LZTS3: variants seen among roughly 807,000 people sequenced by gnomAD.
LZTS3 encodes leucine zipper tumor suppressor family member 3, also known as leucine zipper putative tumor suppressor 3.
Under a neutral mutation model 50.9 loss-of-function variants are expected in LZTS3, and 16 were observed. The ratio of observed to expected loss-of-function variants is 0.31; its 90% CI spans 0.21 to 0.48. LZTS3 has a LOEUF of 0.48. Among genes scored for constraint, LZTS3 ranks in the 20% least tolerant of loss-of-function variants. LZTS3 has a pLI of 0.99. For synonymous variants in LZTS3, 408 were observed against 410.6 expected (o/e 0.99, Z 0.08); for missense variants, 816 against 931.0 (o/e 0.88, Z 1.61).
At position 3,164,835 on chromosome 20, in the gene LZTS3, G is replaced by A. The variant is rs1303298158; in HGVS notation, c.1641C>T (p.Ala547=). 8 of 1,550,164 alleles carry A rather than the reference G, an allele frequency of 5.2e-6. 1 individual carries two copies. The African/African-American group carries it at 5.4e-5, about 10-fold the overall frequency. Residue 547 remains alanine, a synonymous_variant, in exon 5 of 5, where the codon GCC becomes GCT. Coordinates refer to ENST00000337576, the MANE Select transcript of LZTS3 (RefSeq NM_001365618.1). ...CCAAGGAGGCGGCAGCGGCCACCCC[G>A]GCCTGACGGCGCATCTTAGCCTCGT... ...ESDEAKMRRQ[A]GVAAAASLVS...
rs1600449523 is a variant in LZTS3, at chr20:3,167,602, T to G, written c.-19+136A>C. 3 of 993,280 alleles carry G rather than the reference T, an allele frequency of 3.0e-6. No homozygotes were observed. In the South Asian group the frequency reaches 1.4e-4, roughly 47 times the overall value. 61.5% of individuals were successfully genotyped at this position (993,280 alleles called of 1,614,324 possible). A position where few individuals can be genotyped will look rare whatever the true frequency, so the allele number is the denominator to read the frequency against. ...CTGGGACCCTAATATCCCAACCTCA[T>G]GGGCTGGGGAAATGGGGTTGGAAGG... On this transcript the variant is annotated intron_variant, in intron 2 of 4. Transcript: ENST00000337576.
At chr20:3,169,979 G>A (rs966565406) in intron 1 of LZTS3, among the ~76,000 whole-genome samples, 1 of 150,654 alleles carries the variant, frequency 6.6e-6, no homozygotes, top group African/African-American at 2.4e-5. Flanking sequence ...GAGCCAGGGA[G>A]CAAAGCCCCA....
In LZTS3 at chr20:3,165,722, C is replaced by T. The variant is rs565769779; in HGVS notation, c.1098G>A (p.Glu366=). The change falls in exon 4 of 5, where the codon GAG becomes GAA. Residue 366 remains glutamate, a synonymous_variant. Coordinates refer to ENST00000337576, the MANE Select transcript of LZTS3 (RefSeq NM_001365618.1). The surrounding 1 kb of genome is among the most constrained non-coding windows in gnomAD (Gnocchi z 5.0). The part of the protein sequence containing the change: ...RQKAWERELA[E]LRQGCSGKLQ... ...GCTTCCCGCTGCAGCCCTGCCGCAG[C>T]TCGGCCAGCTCCCGCTCCCACGCCT... is the stretch of plus-strand genomic sequence containing the variant. The T allele has an allele frequency of 2.8e-4, 444 of 1,574,322 alleles. 7 individuals are homozygous for T. In the South Asian group the frequency reaches 4.3e-3, roughly 15 times the overall value.
In LZTS3 at chr20:3,164,921, G is replaced by A; in HGVS notation, c.1555C>T (p.Pro519Ser). The change falls in exon 5 of 5, where the codon CCG becomes TCG. Residue 519 changes from proline (P) to serine (S), a missense_variant. This residue lies in a region of LZTS3 where 700 missense variants were observed against 769.4 expected (regional missense o/e 0.91). Coordinates refer to ENST00000337576, the MANE Select transcript of LZTS3 (RefSeq NM_001365618.1). ...EGELPAACLK[P>S]ALTPVDPAEP... ...GCCGGGTCCACGGGGGTCAGCGCCG[G>A]CTTGAGGCAGGCGGCAGGCAGCTCG... 6.5e-7 allele frequency: 1 copy of A among 1,548,462 alleles called. No homozygotes were observed.
intron 2 of LZTS3, 187 bp from the exon 3 acceptor site, chr20:3,167,368 CT>C (rs1197892730): frequency 2.4e-5 from 32 of 1,345,656 alleles, no homozygotes; most frequent in Non-Finnish European, 2.9e-5. Context: ...GGAATGGGGG[CT>C]GCCTGTTGCC....
At position 3,162,799 on chromosome 20, in the gene LZTS3, T is replaced by G. The variant is rs754148799; in HGVS notation, c.*1655A>C. On this transcript the variant is annotated 3_prime_UTR_variant, in exon 5 of 5. Coordinates refer to ENST00000337576, the MANE Select transcript of LZTS3 (RefSeq NM_001365618.1). The surrounding 1 kb of genome is among the most constrained non-coding windows in gnomAD (Gnocchi z 5.0). The stretch of plus-strand genomic sequence containing the variant: ...TTTTTTTCTTACTAATGCCTTCTCT[T>G]CTCCCTGCCCCTGTGGCCTAGGCCC... 2.0e-5 allele frequency: 3 copies of G among 152,500 alleles called. No individual in the cohort carries two copies. Among genetic ancestry groups the G allele is most frequent in the Non-Finnish European group, 4.4e-5 (3 of 68,042 alleles). 9.4% of individuals were successfully genotyped at this position (152,500 alleles called of 1,614,324 possible). A position where few individuals can be genotyped will look rare whatever the true frequency, so the allele number is the denominator to read the frequency against.
In LZTS3 at chr20:3,164,393, G is replaced by T; in HGVS notation, c.*61C>A. ...TGGGGAAGAGAGATGGAGGGGAGGG[G>T]ACACTGGGGACTCTGGCCTTTTGAC... On this transcript the variant is annotated 3_prime_UTR_variant, in exon 5 of 5. Transcript: ENST00000337576. 2 of 1,463,154 alleles carry T rather than the reference G, an allele frequency of 1.4e-6. No individual in the cohort carries two copies. The highest frequency in any genetic ancestry group is 1.8e-6 in the Non-Finnish European group (2 of 1,097,998). The allele number at this position is 1,463,154 out of a possible 1,614,324, so 90.6% of individuals were successfully genotyped here.
Position 3,167,112 on chromosome 20 carries a change from G to T in LZTS3, c.52C>A (p.Leu18Ile). The T allele has an allele frequency of 6.6e-7, 1 of 1,525,064 alleles. No individual in the cohort carries two copies. Among genetic ancestry groups the T allele is most frequent in the South Asian group, 1.3e-5 (1 of 79,000 alleles). 94.5% of individuals were successfully genotyped at this position (1,525,064 alleles called of 1,614,324 possible). A position where few individuals can be genotyped will look rare whatever the true frequency, so the allele number is the denominator to read the frequency against. ...PVRADPGRDP[L>I]LAFAPRPSEL... Reference sequence around the variant, plus strand: ...GAGGGCCGTGGGGCAAAGGCCAGGAGAGGATCCCGCCCTGGGTCAGCGCGC... The same window carrying T: ...GAGGGCCGTGGGGCAAAGGCCAGGATAGGATCCCGCCCTGGGTCAGCGCGC... Residue 18 changes from leucine to isoleucine, a missense_variant, in exon 3 of 5, where the codon CTC becomes ATC. This residue lies in a region of LZTS3 where 700 missense variants were observed against 769.4 expected (regional missense o/e 0.91). Coordinates refer to ENST00000337576, the MANE Select transcript of LZTS3 (RefSeq NM_001365618.1).
Position 3,167,109 on chromosome 20 carries a change from G to C in LZTS3, c.55C>G (p.Leu19Val). The stretch of plus-strand genomic sequence containing the variant: ...TCGGAGGGCCGTGGGGCAAAGGCCA[G>C]GAGAGGATCCCGCCCTGGGTCAGCG... ...VRADPGRDPL[L>V]AFAPRPSELG... The change falls in exon 3 of 5, where the codon CTG (leucine) becomes GTG (valine). Residue 19 changes from leucine to valine, a missense_variant. Leu to Val is a conservative substitution (Grantham distance 32). Around this residue, in one of 3 missense-constraint regions of LZTS3, gnomAD observed 700 missense variants for 769.4 expected, o/e 0.91. Coordinates refer to ENST00000337576, the MANE Select transcript of LZTS3 (RefSeq NM_001365618.1). The C allele has an allele frequency of 6.6e-7, 1 of 1,526,130 alleles. No homozygotes were observed. Among genetic ancestry groups the C allele is most frequent in the East Asian group, 2.3e-5 (1 of 43,538 alleles). 94.5% of individuals were successfully genotyped at this position (1,526,130 alleles called of 1,614,324 possible).
At chr20:3,173,003 C>A (rs2066917486) in intron 1 of LZTS3, among the ~76,000 whole-genome samples, 1 of 152,056 alleles carries the variant, frequency 6.6e-6, no homozygotes, top group African/African-American at 2.4e-5. Flanking sequence ...GAGAGCGCCC[C>A]CTCCACCCCG....
chr20:3,165,850 G>T lies in LZTS3; in HGVS notation c.970C>A (p.Leu324Met). 1 of 1,605,432 alleles carries T rather than the reference G, an allele frequency of 6.2e-7. No individual in the cohort carries two copies. Among genetic ancestry groups the T allele is most frequent in the South Asian group, 1.1e-5 (1 of 91,002 alleles). ...PPSPSALIQE[L>M]EERLWEKEQE... ...TCCTTCTCCCACAGCCGCTCCTCCA[G>T]CTCCTGGATGAGTGCACTGGGGGAG... The change falls in exon 4 of 5, where the codon CTG becomes ATG. Residue 324 changes from leucine (L) to methionine (M), a missense_variant. Leu to Met is a conservative substitution (Grantham distance 15, BLOSUM62 2). Coordinates refer to ENST00000337576, the MANE Select transcript of LZTS3 (RefSeq NM_001365618.1). This position sits in a 1 kb window ranked among gnomAD's most constrained non-coding sequence, Gnocchi z 5.0.
At position 3,164,687 on chromosome 20, in the gene LZTS3, T is replaced by C. The variant is rs1369268690; in HGVS notation, c.1789A>G (p.Ser597Gly). 6 of 1,598,080 alleles carry C rather than the reference T, an allele frequency of 3.8e-6. No homozygotes were observed. In the South Asian group the frequency reaches 6.7e-5, roughly 18 times the overall value. The stretch of plus-strand genomic sequence containing the variant: ...CACACGCGGCGCTCCTCGGCGAAGC[T>C]GGCACCCTGGCGCTCCCGGGCCCGC... ...ERRARERQGA[S>G]FAEERRVWLE... Residue 597 changes from serine to glycine, a missense_variant, in exon 5 of 5, where the codon AGC (serine) becomes GGC (glycine). Transcript: ENST00000337576.
rs777367896 is a variant in LZTS3, at chr20:3,166,252, G to A, written c.568C>T (p.Arg190Trp). The A allele has an allele frequency of 1.9e-5, 30 of 1,613,620 alleles. No individual in the cohort carries two copies. Among genetic ancestry groups the A allele is most frequent in the Middle Eastern group, 1.6e-4 (1 of 6,084 alleles). Residue 190 changes from arginine (R) to tryptophan (W), a missense_variant, in exon 4 of 5, where the codon CGG becomes TGG. Arg to Trp is a moderately radical substitution (Grantham distance 101). Transcript: ENST00000337576. ...CCTTTGAGGCCACCAGGGCCCTGCC[G>A]TCCCTCAGGAGTCCCATTGGTCTGC... ...PPQTNGTPEG[R>W]QGPGGLKGGL...
At position 3,164,668 on chromosome 20, in the gene LZTS3, C is replaced by A. The variant is rs755335789; in HGVS notation, c.1808G>T (p.Arg603Leu). 1 of 1,610,692 alleles carries A rather than the reference C, an allele frequency of 6.2e-7. No individual in the cohort carries two copies. Among genetic ancestry groups the A allele is most frequent in the Non-Finnish European group, 8.5e-7 (1 of 1,178,692 alleles). The change falls in exon 5 of 5, where the codon CGC becomes CTC. Residue 603 changes from arginine (R) to leucine (L), a missense_variant. By Grantham distance (102) the Arg-to-Leu change is moderately radical. Around this residue, in one of 3 missense-constraint regions of LZTS3, gnomAD observed 107 missense variants for 130.4 expected, o/e 0.82. Transcript: ENST00000337576. ...CTTCTCCTTCTCCTCCAGCCACACGCGGCGCTCCTCGGCGAAGCTGGCACC... is the reference window on the plus strand; with the variant it reads ...CTTCTCCTTCTCCTCCAGCCACACGAGGCGCTCCTCGGCGAAGCTGGCACC... The part of the protein sequence containing the change: ...RQGASFAEER[R>L]VWLEEKEKVI...
chr20:3,167,941 C>T lies in LZTS3; in HGVS notation c.-222G>A. On this transcript the variant is annotated 5_prime_UTR_variant, in exon 2 of 5. Coordinates refer to ENST00000337576, the MANE Select transcript of LZTS3 (RefSeq NM_001365618.1). ...ACTTTGGAGGGGCCGACTGAGCCATCCCGGACTGCAGTTTTCTCCTCTGCG... is the reference window on the plus strand; with the variant it reads ...ACTTTGGAGGGGCCGACTGAGCCATTCCGGACTGCAGTTTTCTCCTCTGCG... 1 of 826,818 alleles carries T rather than the reference C, an allele frequency of 1.2e-6. No individual in the cohort carries two copies. Among genetic ancestry groups the T allele is most frequent in the Non-Finnish European group, 1.5e-6 (1 of 685,242 alleles). 51.2% of individuals were successfully genotyped at this position (826,818 alleles called of 1,614,324 possible).
chr20:3,165,287 ACCCGATT>A lies in LZTS3; in HGVS notation c.1324-142_1324-136del. On this transcript the variant is annotated intron_variant, in intron 4 of 4. Transcript: ENST00000337576. The surrounding 1 kb of genome is among the most constrained non-coding windows in gnomAD (Gnocchi z 5.0). ...CTCAGCCCCTCATCAGCAGCGACGCACCCGATTCCCTGCCTGGACTCAAGATGGACAT... is the reference window on the plus strand; with the variant it reads ...CTCAGCCCCTCATCAGCAGCGACGCACCCTGCCTGGACTCAAGATGGACAT... 2 of 1,166,498 alleles carry A rather than the reference ACCCGATT, an allele frequency of 1.7e-6. No individual in the cohort carries two copies. Among genetic ancestry groups the A allele is most frequent in the Non-Finnish European group, 2.3e-6 (2 of 856,678 alleles). 72.3% of individuals were successfully genotyped at this position (1,166,498 alleles called of 1,614,324 possible).
Position 3,166,821 on chromosome 20 carries a change from C to G in LZTS3, c.343G>C (p.Val115Leu), listed in dbSNP as rs376730031. The change falls in exon 3 of 5, where the codon GTG becomes CTG. Residue 115 changes from valine to leucine, a missense_variant. Val to Leu is a conservative substitution (Grantham distance 32). Around this residue, in one of 3 missense-constraint regions of LZTS3, gnomAD observed 700 missense variants for 769.4 expected, o/e 0.91. Coordinates refer to ENST00000337576, the MANE Select transcript of LZTS3 (RefSeq NM_001365618.1). ...CTGCTGCCTCCGCTGCTGCCAACCA[C>G]GTTGCCACAGACATCGGTGTGGTCA... ...GSDHTDVCGNVVGSSGGSSSS... is the reference protein window; with the variant it reads ...GSDHTDVCGNLVGSSGGSSSS... 1 of 1,613,940 alleles carries G rather than the reference C, an allele frequency of 6.2e-7. No homozygotes were observed.
At position 3,167,014 on chromosome 20, in the gene LZTS3, A is replaced by G; in HGVS notation, c.150T>C (p.Phe50=). ...TGCGGGTACCCACGCTCTTCATGGC[A>G]AACTCCTGGGCATGGGCCACCCCAC... ...VGSGVAHAQE[F]AMKSVGTRTG... Residue 50 remains phenylalanine (F), a synonymous_variant, in exon 3 of 5, where the codon TTT becomes TTC. Transcript: ENST00000337576. The G allele has an allele frequency of 6.3e-7, 1 of 1,590,160 alleles. No homozygotes were observed. The highest frequency in any genetic ancestry group is 8.5e-7 in the Non-Finnish European group (1 of 1,174,002).
At chr20:3,172,909 G>C (rs1386314304) in intron 1 of LZTS3, among the ~76,000 whole-genome samples, 2 of 152,062 alleles carry the variant, frequency 1.3e-5, no homozygotes, top group Admixed American at 6.5e-5. Flanking sequence ...GTCTTCCCTC[G>C]GTGGCCTAAG....
Sources: gnomAD v4.1 joint callset for allele counts (sites outside exome capture counted in the v4.1 genomes callset) on GRCh38, gnomAD v4.1.1 for gene constraint, gnomAD v4.1.1 regional missense constraint, Gnocchi (gnomAD v3.1) non-coding constraint, MANE v1.5 for transcripts, NCBI Gene and HGNC (gene_info 2026-07-23, HGNC 2026-07-21) for gene names.